RALGPS1: variants seen among roughly 807,000 people sequenced by gnomAD.
RALGPS1 encodes the protein Ral GEF with PH domain and SH3 binding motif 1.
In RALGPS1, 19 loss-of-function variants were observed where a neutral mutation model predicts 78.8. The ratio of observed to expected loss-of-function variants is 0.24; its 90% CI spans 0.17 to 0.35. The LOEUF is 0.35. RALGPS1 is among the 10% of genes least tolerant of loss of function. The probability of loss-of-function intolerance (pLI) is 1.00; values close to 1 mark genes in which losing one functional copy is unlikely to be tolerated. For synonymous variants in RALGPS1, 228 were observed against 256.3 expected, an observed-to-expected ratio of 0.89 and a Z score of 1.06; for missense variants, 454 against 688.3, an observed-to-expected ratio of 0.66 and a Z score of 3.81.
chr9:127,157,511 T>C (rs1435564401), intron 8 of RALGPS1, among the ~76,000 whole-genome samples: 1 of 152,066 alleles, frequency 6.6e-6, no homozygotes, highest in African/African-American at 2.4e-5. Context: ...TTTTAATAAA[T>C]GTTATATATT....
intron 3 of RALGPS1, among the ~76,000 whole-genome samples, chr9:126,975,542 A>G (rs2040525581): frequency 6.6e-6 from 1 of 152,198 alleles, no homozygotes; most frequent in Non-Finnish European, 1.5e-5. Flanking sequence ...CTGAGCTTTC[A>G]GGTCAAATCT....
intron 1 of RALGPS1, among the ~76,000 whole-genome samples, chr9:126,922,096 G>A (rs941513178): frequency 6.6e-6 from 1 of 152,226 alleles, no homozygotes; most frequent in Non-Finnish European, 1.5e-5. Context: ...TGAGGGAGAG[G>A]ACGGAGCCAT....
chr9:127,062,512 G>GT lies in RALGPS1; in HGVS notation c.484-6717dup, dbSNP rs1444231671. Among the ~76,000 whole-genome samples the GT allele has an allele frequency of 2.0e-5, 3 of 152,136 alleles. No individual in the cohort carries two copies. In the East Asian group the frequency reaches 5.8e-4, roughly 29 times the overall value. ...AGAGAACCAGTAAGATATTACAACCGTATCAAAAGAGAAGCTAGAGTACTA... is the reference window on the plus strand; with the variant it reads ...AGAGAACCAGTAAGATATTACAACCGTTATCAAAAGAGAAGCTAGAGTACTA... On this transcript the variant is annotated intron_variant, in intron 7 of 18. Coordinates refer to ENST00000259351, the MANE Select transcript of RALGPS1 (RefSeq NM_014636.3).
At chr9:127,024,430 T>G (rs2045780677) in intron 4 of RALGPS1, among the ~76,000 whole-genome samples, 1 of 150,430 alleles carries the variant, frequency 6.6e-6, no homozygotes, top group Admixed American at 6.7e-5. Context: ...GACCGCTCAC[T>G]TCCTATGCTT....
At chr9:127,073,446 T>TTGTGTGTGTG (rs372544285) in intron 8 of RALGPS1, among the ~76,000 whole-genome samples, 45 of 88,634 alleles carry the variant, frequency 5.1e-4, no homozygotes, top group African/African-American at 1.7e-3. Flanking sequence ...TAGTACACCA[T>TTGTGTGTGTG]TGTGTGTGTG....
At chr9:127,136,332 GA>G (rs2057389610) in intron 8 of RALGPS1, among the ~76,000 whole-genome samples, 1 of 152,258 alleles carries the variant, frequency 6.6e-6, no homozygotes, top group African/African-American at 2.4e-5. Context: ...TGTGGCAGCA[GA>G]GATGATTTGG....
intron 12 of RALGPS1, 93 bp downstream of exon 12, chr9:127,195,310 C>T: frequency 6.8e-7 from 1 of 1,478,912 alleles, no homozygotes; most frequent in South Asian, 1.2e-5. Context: ...GGCTGGGTCC[C>T]TCCCCTGCCC....
At chr9:127,178,398 T>A in intron 11 of RALGPS1, 1 of 921,630 alleles carries the variant, frequency 1.1e-6, no homozygotes. Flanking sequence ...TCTCTATCTG[T>A]AAAGTGGGCA....
intron 8 of RALGPS1, among the ~76,000 whole-genome samples, chr9:127,114,310 G>A (rs2055174479): frequency 6.6e-6 from 1 of 152,146 alleles, no homozygotes; most frequent in South Asian, 2.1e-4. Context: ...ATTTGCAGTT[G>A]AGGAAACTAT....
intron 5 of RALGPS1, among the ~76,000 whole-genome samples, chr9:127,047,518 G>A (rs923887441): frequency 6.6e-6 from 1 of 152,056 alleles, no homozygotes; most frequent in Non-Finnish European, 1.5e-5. Flanking sequence ...GGCCAATACG[G>A]TGAAACCCCA....
intron 3 of RALGPS1, among the ~76,000 whole-genome samples, chr9:126,966,708 T>G (rs2039535938): frequency 6.6e-6 from 1 of 152,156 alleles, no homozygotes; most frequent in Non-Finnish European, 1.5e-5. Context: ...TTTGTTTATG[T>G]ATACTTTCTA....
Position 126,962,336 on chromosome 9 carries a change from C to T in RALGPS1, c.47C>T (p.Ala16Val). The T allele has an allele frequency of 3.7e-6, 6 of 1,614,104 alleles. No individual in the cohort carries two copies. The highest frequency in any genetic ancestry group is 5.1e-6 in the Non-Finnish European group (6 of 1,179,982). ...GLMASVLVTS[A>V]TPQGSSSSDS... ...ATGGCTAGCGTGTTGGTCACCTCTG[C>T]CACTCCACAGGTACTGAGGCTGCAA... Residue 16 changes from alanine (A) to valine (V), a missense_variant, in exon 2 of 19, where the codon GCC becomes GTC. Transcript: ENST00000259351.
At chr9:127,141,150 G>C (rs1195063268) in intron 8 of RALGPS1, among the ~76,000 whole-genome samples, 1 of 152,118 alleles carries the variant, frequency 6.6e-6, no homozygotes, top group African/African-American at 2.4e-5. Flanking sequence ...CAGCATCTGG[G>C]AGACTCCTTC....
At chr9:127,178,443 T>C in intron 11 of RALGPS1, 1 of 1,043,632 alleles carries the variant, frequency 9.6e-7, no homozygotes, top group Non-Finnish European at 1.2e-6. Flanking sequence ...AGTGTTGTTA[T>C]TAGCACAGTG....
chr9:127,108,416 G>A (rs139033839), intron 8 of RALGPS1: 13 of 1,608,600 alleles, frequency 8.1e-6, no homozygotes, highest in East Asian at 2.2e-5. Context: ...AGCTGCTGCA[G>A]CGTCTCGATC....
intron 8 of RALGPS1, among the ~76,000 whole-genome samples, chr9:127,150,926 G>A (rs1023717689): frequency 1.3e-5 from 2 of 152,180 alleles, no homozygotes; most frequent in African/African-American, 2.4e-5. Context: ...GCTCACGCCT[G>A]TAATCCCAGC....
At chr9:127,097,060 C>T (rs985821748) in intron 8 of RALGPS1, among the ~76,000 whole-genome samples, 3 of 152,230 alleles carry the variant, frequency 2.0e-5, no homozygotes, top group Non-Finnish European at 4.4e-5. Flanking sequence ...GGGATCCATG[C>T]TGACTTAGCT....
chr9:127,061,727 A>G (rs2049228442), intron 7 of RALGPS1, among the ~76,000 whole-genome samples: 1 of 152,098 alleles, frequency 6.6e-6, no homozygotes, highest in South Asian at 2.1e-4. Context: ...TCTTTGGGTA[A>G]TAGAGTTTGT....
chr9:126,952,628 TGAGAGA>T (rs34773282), intron 1 of RALGPS1, among the ~76,000 whole-genome samples: 237 of 138,986 alleles, frequency 1.7e-3, no homozygotes, highest in East Asian at 3.9e-3. Flanking sequence ...TGGCTGTGGC[TGAGAGA>T]GAGAGAGAGA....
Sources: allele counts gnomAD v4.1 joint callset (sites outside exome capture counted in the v4.1 genomes callset), GRCh38; gene constraint gnomAD v4.1.1; transcripts MANE v1.5; gene names NCBI Gene and HGNC (gene_info 2026-07-23, HGNC 2026-07-21).